The following TMEM87A variants were observed in gnomAD, a reference collection of about 807,000 sequenced individuals.
TMEM87A encodes the protein transmembrane protein 87A.
TMEM87A carries 50 observed loss-of-function variants against 90.0 expected under a neutral mutation model. The ratio of observed to expected loss-of-function variants is 0.56; its 90% CI spans 0.44 to 0.70. The LOEUF (loss-of-function observed/expected upper bound fraction) is 0.70, where lower values mean the gene tolerates loss of function less well. Among genes scored for constraint, TMEM87A ranks in the 30% least tolerant of loss-of-function variants. The pLI is 0.00. For synonymous variants in TMEM87A, 226 were observed against 226.7 expected (o/e 1.00, Z 0.03); for missense variants, 577 against 660.5 (o/e 0.87, Z 1.39).
intron 6 of TMEM87A, among the ~76,000 whole-genome samples, chr15:42,247,853 T>C (rs183781339): frequency 0.015 from 2,290 of 152,304 alleles, 58 homozygotes; most frequent in African/African-American, 0.053. Context: ...GGGGATGGCA[T>C]TGAATCTATA....
intron 15 of TMEM87A, chr15:42,224,278 T>C (rs925686924): frequency 6.6e-6 from 1 of 152,248 alleles, no homozygotes; most frequent in Non-Finnish European, 1.5e-5. Flanking sequence ...GTAAAAACTC[T>C]GGACATTGAA....
chr15:42,225,305 G>T (rs2620385), intron 15 of TMEM87A, among the ~76,000 whole-genome samples: 18 of 92,014 alleles, frequency 2.0e-4, no homozygotes, highest in East Asian at 3.8e-4. Flanking sequence ...GCAAATGGGG[G>T]GGGGGGGAAG....
At chr15:42,212,362 T>G (rs992322617) in intron 19 of TMEM87A, among the ~76,000 whole-genome samples, 1 of 152,202 alleles carries the variant, frequency 6.6e-6, no homozygotes, top group Non-Finnish European at 1.5e-5. Flanking sequence ...TACCTCTCAC[T>G]ATTGTATCAC....
chr15:42,226,921 G>A lies in TMEM87A; in HGVS notation c.1300-12C>T. 2 of 1,612,300 alleles carry A rather than the reference G, an allele frequency of 1.2e-6. No individual in the cohort carries two copies. The highest frequency in any genetic ancestry group is 2.2e-5 in the East Asian group (1 of 44,878). On this transcript the variant is annotated splice_polypyrimidine_tract_variant and intron_variant, in intron 14 of 19. Transcript: ENST00000389834. ...AGCTCCCGCCAGTCCTACAATACAG[G>A]GGAGAAGTACAACATTTATACACAT...
intron 3 of TMEM87A, 27 bp downstream of exon 3, chr15:42,267,920 A>G (rs757875341): frequency 8.8e-6 from 14 of 1,588,798 alleles, no homozygotes; most frequent in African/African-American, 1.4e-5. Flanking sequence ...AAGGTCCAAA[A>G]AAACTCTGTA....
intron 6 of TMEM87A, among the ~76,000 whole-genome samples, chr15:42,256,501 G>C (rs1432652109): frequency 6.6e-6 from 1 of 152,162 alleles, no homozygotes; most frequent in Non-Finnish European, 1.5e-5. Context: ...AAGATCAAAA[G>C]ATAGATAACT....
At chr15:42,246,518 TCCCACC>T (rs979056916) in intron 6 of TMEM87A, among the ~76,000 whole-genome samples, 42 of 152,048 alleles carry the variant, frequency 2.8e-4, no homozygotes, top group Admixed American at 5.2e-4. Flanking sequence ...ATTGTTCAAC[TCCCACC>T]TATGAGTGAG....
chr15:42,246,460 G>A (rs1029862458), intron 6 of TMEM87A, among the ~76,000 whole-genome samples: 1 of 151,548 alleles, frequency 6.6e-6, no homozygotes, highest in African/African-American at 2.4e-5. Context: ...CCGACCCGAC[G>A]ACAGGCCCCA....
intron 6 of TMEM87A, among the ~76,000 whole-genome samples, chr15:42,259,627 G>C (rs372975828): frequency 1.3e-5 from 2 of 152,134 alleles, no homozygotes; most frequent in South Asian, 2.1e-4. Flanking sequence ...AACTTAAAAG[G>C]AAAAATTGGA....
At chr15:42,236,250 G>T in intron 10 of TMEM87A, 70 bp downstream of exon 10, 2 of 1,248,678 alleles carry the variant, frequency 1.6e-6, no homozygotes, top group South Asian at 1.2e-5. Flanking sequence ...ACTACATTGG[G>T]AACATGCAAT....
At chr15:42,253,559 C>G (rs2051123666) in intron 6 of TMEM87A, among the ~76,000 whole-genome samples, 1 of 152,154 alleles carries the variant, frequency 6.6e-6, no homozygotes, top group Non-Finnish European at 1.5e-5. Context: ...CAGGTGAAAA[C>G]ACACAATGGC....
chr15:42,222,078 T>C (rs2050497579), intron 15 of TMEM87A, among the ~76,000 whole-genome samples: 2 of 152,256 alleles, frequency 1.3e-5, no homozygotes, highest in East Asian at 1.9e-4. Flanking sequence ...GTTGTTTTTT[T>C]TGAGAAAGAG....
At chr15:42,266,098 TAG>T (rs2051398136) in intron 3 of TMEM87A, among the ~76,000 whole-genome samples, 1 of 152,244 alleles carries the variant, frequency 6.6e-6, no homozygotes, top group Admixed American at 6.5e-5. Context: ...TGTAGCCCTG[TAG>T]TACAGTTTGA....
At chr15:42,234,247 G>A (rs2050736249) in intron 10 of TMEM87A, among the ~76,000 whole-genome samples, 1 of 152,128 alleles carries the variant, frequency 6.6e-6, no homozygotes, top group African/African-American at 2.4e-5. Flanking sequence ...TCTGTTTGAA[G>A]GAGAAAAAGT....
At chr15:42,230,877 A>G (rs894900207) in intron 12 of TMEM87A, among the ~76,000 whole-genome samples, 1 of 152,254 alleles carries the variant, frequency 6.6e-6, no homozygotes, top group African/African-American at 2.4e-5. Context: ...TGACTCTAAC[A>G]CTAAATGATT....
chr15:42,215,623 C>T (rs950721285), intron 19 of TMEM87A, among the ~76,000 whole-genome samples: 1 of 152,088 alleles, frequency 6.6e-6, no homozygotes, highest in Non-Finnish European at 1.5e-5. Context: ...TTCCAAATGG[C>T]TGACAGGTAT....
Position 42,226,705 on chromosome 15 carries a change from C to G in TMEM87A, c.1403+101G>C. ...TCTGATTCCAGGCCCAGTGTTCCTTCCACTATATGACACAGCCCTGATACT... is the reference window on the plus strand; with the variant it reads ...TCTGATTCCAGGCCCAGTGTTCCTTGCACTATATGACACAGCCCTGATACT... On this transcript the variant is annotated intron_variant, in intron 15 of 19. Coordinates refer to ENST00000389834, the MANE Select transcript of TMEM87A (RefSeq NM_015497.5). 3 of 953,144 alleles carry G rather than the reference C, an allele frequency of 3.1e-6. No homozygotes were observed. The East Asian group carries it at 7.3e-5, about 23-fold the overall frequency. The allele number at this position is 953,144 out of a possible 1,614,324, so 59.0% of individuals were successfully genotyped here.
chr15:42,267,552 G>A lies in TMEM87A; in HGVS notation c.291+395C>T, dbSNP rs2051430188. Among the ~76,000 whole-genome samples the A allele has an allele frequency of 2.0e-5, 3 of 152,276 alleles. No individual in the cohort carries two copies. The South Asian group carries it at 6.2e-4, about 32-fold the overall frequency. Reference sequence around the variant, plus strand: ...TAAGAATACAGTGATCTTCTGTTATGCCAGATAGTAAACAAATTTACAAAA... The same window carrying A: ...TAAGAATACAGTGATCTTCTGTTATACCAGATAGTAAACAAATTTACAAAA... On this transcript the variant is annotated intron_variant, in intron 3 of 19. Transcript: ENST00000389834.
Position 42,273,255 on chromosome 15 carries a change from C to G in TMEM87A, c.144G>C (p.Ser48=). 6.2e-7 allele frequency: 1 copy of G among 1,614,060 alleles called. No homozygotes were observed. The highest frequency in any genetic ancestry group is 8.5e-7 in the Non-Finnish European group (1 of 1,180,018). Residue 48 remains serine, a splice_region_variant and synonymous_variant, in exon 1 of 20, where the codon TCG becomes TCC. Transcript: ENST00000389834. ...DRSKWHIPIP[S]GKNYFSFGKI... ...AGACGTTAGTGAAGTGAATACTCAC[C>G]GACGGTATCGGAATGTGCCATTTGG...
Sources: allele counts gnomAD v4.1 joint callset (sites outside exome capture counted in the v4.1 genomes callset), GRCh38; gene constraint gnomAD v4.1.1; transcripts MANE v1.5; gene names NCBI Gene and HGNC (gene_info 2026-07-23, HGNC 2026-07-21).